PTPRT: variants seen among roughly 807,000 people sequenced by gnomAD.
PTPRT encodes protein tyrosine phosphatase receptor type T, also known as receptor-type tyrosine-protein phosphatase T.
PTPRT carries 56 observed loss-of-function variants against 176.8 expected under a neutral mutation model. The ratio of observed to expected loss-of-function variants is 0.32; its 90% CI spans 0.26 to 0.40. PTPRT has a LOEUF of 0.40. PTPRT is among the 10% of genes least tolerant of loss of function. The pLI is 1.00. For missense variants in PTPRT, 1,540 were observed against 1,908.2 expected, an observed-to-expected ratio of 0.81 and a Z score of 3.60; for synonymous variants, 783 against 739.0, an observed-to-expected ratio of 1.06 and a Z score of -0.96.
intron 6 of PTPRT, among the ~76,000 whole-genome samples, chr20:42,699,982 C>T (rs555358764): frequency 2.0e-5 from 3 of 152,246 alleles, no homozygotes; most frequent in South Asian, 4.2e-4. Flanking sequence ...TCCTACCTAC[C>T]CATCTTTCCA....
intron 2 of PTPRT, among the ~76,000 whole-genome samples, chr20:42,876,013 C>CT (rs1362923839): frequency 1.3e-5 from 2 of 152,216 alleles, no homozygotes; most frequent in African/African-American, 4.8e-5. Context: ...ACTATTACCA[C>CT]ATACAGATAC....
At chr20:42,145,544 A>AGATAGATAGATG (rs1487530031) in intron 17 of PTPRT, among the ~76,000 whole-genome samples, 277 of 151,816 alleles carry the variant, frequency 1.8e-3, no homozygotes, top group African/African-American at 6.5e-3. Flanking sequence ...ATAGATAGAT[A>AGATAGATAGATG]GATGGATGTT....
At chr20:42,185,792 C>G (rs1990754862) in intron 16 of PTPRT, among the ~76,000 whole-genome samples, 1 of 152,158 alleles carries the variant, frequency 6.6e-6, no homozygotes, top group African/African-American at 2.4e-5. Flanking sequence ...GGTATTCATT[C>G]TGTGCCACAT....
chr20:42,379,027 C>G (rs932478056), intron 9 of PTPRT, among the ~76,000 whole-genome samples: 10 of 152,214 alleles, frequency 6.6e-5, no homozygotes, highest in African/African-American at 2.4e-4. Context: ...ACCGTGCCCC[C>G]ACAGCTCCAT....
chr20:42,724,893 T>C (rs1031339491), intron 6 of PTPRT, among the ~76,000 whole-genome samples: 6 of 152,172 alleles, frequency 3.9e-5, no homozygotes, highest in African/African-American at 1.4e-4. Flanking sequence ...TGGGCCCAGA[T>C]AAATCAGTAT....
chr20:42,297,674 A>G (rs1294731678), intron 12 of PTPRT, among the ~76,000 whole-genome samples: 2 of 152,190 alleles, frequency 1.3e-5, no homozygotes, highest in East Asian at 3.9e-4. Context: ...AAATAGCCAC[A>G]TAGACTGGTG....
intron 4 of PTPRT, among the ~76,000 whole-genome samples, chr20:42,778,011 T>C (rs373225752): frequency 2.0e-5 from 3 of 152,186 alleles, no homozygotes; most frequent in Non-Finnish European, 2.9e-5. Context: ...TCCTGAGTTA[T>C]ATCCCATGGT....
chr20:43,030,506 A>C (rs1272709258), intron 1 of PTPRT, among the ~76,000 whole-genome samples: 1 of 72,702 alleles, frequency 1.4e-5, no homozygotes, highest in Admixed American at 1.8e-4. Flanking sequence ...ATTTCAGAAC[A>C]AAAAAAAAAA....
intron 9 of PTPRT, among the ~76,000 whole-genome samples, chr20:42,382,013 T>C (rs1166364890): frequency 6.6e-6 from 1 of 152,200 alleles, no homozygotes; most frequent in Non-Finnish European, 1.5e-5. Flanking sequence ...CCATAAAGAT[T>C]TCATTAGATT....
At chr20:42,980,924 G>A (rs952512614) in intron 1 of PTPRT, among the ~76,000 whole-genome samples, 1 of 152,152 alleles carries the variant, frequency 6.6e-6, no homozygotes, top group African/African-American at 2.4e-5. Flanking sequence ...AGGAGAGAGC[G>A]TCCCTATCTC....
intron 9 of PTPRT, among the ~76,000 whole-genome samples, chr20:42,437,833 A>G (rs2059275877): frequency 6.6e-6 from 1 of 152,222 alleles, no homozygotes; most frequent in Non-Finnish European, 1.5e-5. Context: ...ATAGATGAAA[A>G]TATGCAAACA....
chr20:42,879,957 G>A (rs898237887), intron 2 of PTPRT, among the ~76,000 whole-genome samples: 1 of 152,166 alleles, frequency 6.6e-6, no homozygotes, highest in African/African-American at 2.4e-5. Flanking sequence ...ACTTACTTAA[G>A]AGAGAATGCT....
At chr20:42,651,989 A>C (rs1440563064) in intron 7 of PTPRT, among the ~76,000 whole-genome samples, 2 of 152,054 alleles carry the variant, frequency 1.3e-5, no homozygotes, top group Non-Finnish European at 2.9e-5. Context: ...TGGAGGTTGC[A>C]GTGAGCCGAG....
chr20:42,866,979 C>A (rs2078757041), intron 2 of PTPRT, among the ~76,000 whole-genome samples: 2 of 152,172 alleles, frequency 1.3e-5, no homozygotes. Context: ...AACAGATGCT[C>A]CAAAATGCTA....
intron 15 of PTPRT, among the ~76,000 whole-genome samples, chr20:42,205,916 A>T (rs919015565): frequency 1.3e-5 from 2 of 152,146 alleles, no homozygotes; most frequent in Non-Finnish European, 2.9e-5. Context: ...ACTAGATCTC[A>T]GCTTAAAGTT....
intron 1 of PTPRT, among the ~76,000 whole-genome samples, chr20:43,128,142 G>C (rs2013513947): frequency 6.6e-6 from 1 of 152,204 alleles, no homozygotes; most frequent in East Asian, 1.9e-4. Flanking sequence ...GATACCCACT[G>C]TAAGAGTGGT....
At position 42,248,822 on chromosome 20, in the gene PTPRT, C is replaced by T. The variant is rs373459864; in HGVS notation, c.2177G>A (p.Gly726Asp). 1 of 1,613,400 alleles carries T rather than the reference C, an allele frequency of 6.2e-7. No homozygotes were observed. The highest frequency in any genetic ancestry group is 8.5e-7 in the Non-Finnish European group (1 of 1,179,590). Residue 726 changes from glycine to aspartate, a missense_variant and splice_region_variant, in exon 14 of 31, where the codon GGT (glycine) becomes GAT (aspartate). Gly to Asp is a moderately conservative substitution (Grantham distance 94). Coordinates refer to ENST00000373187, the MANE Select transcript of PTPRT (RefSeq NM_007050.6). Reference sequence around the variant, plus strand: ...AGTGTTAGAATTCTGGGTGGAGGCACCTAGGAAGGGAAAGGGAAGGATAGC... The same window carrying T: ...AGTGTTAGAATTCTGGGTGGAGGCATCTAGGAAGGGAAAGGGAAGGATAGC... ...KINCVRLATK[G>D]ASTQNSNTVE... is the part of the protein sequence containing the mutation.
Position 42,538,723 on chromosome 20 carries a change from T to G in PTPRT, c.1154-66161A>C, listed in dbSNP as rs1395382971. The stretch of plus-strand genomic sequence containing the variant: ...TATGCATCGTGAGTATGTTGTGCAT[T>G]AGACAAAGGCAGGGAGATCTTTCTA... On this transcript the variant is annotated intron_variant, in intron 7 of 30. Coordinates refer to ENST00000373187, the MANE Select transcript of PTPRT (RefSeq NM_007050.6). Among the ~76,000 whole-genome samples, 4 of 152,172 alleles carry G rather than the reference T, an allele frequency of 2.6e-5. No homozygotes were observed. In the East Asian group the frequency reaches 7.7e-4, roughly 29 times the overall value.
intron 2 of PTPRT, among the ~76,000 whole-genome samples, chr20:42,794,018 C>A (rs533311020): frequency 1.3e-5 from 2 of 152,172 alleles, no homozygotes; most frequent in African/African-American, 4.8e-5. Context: ...TGGCTCCTTA[C>A]AATCCACTGT....
Sources: gnomAD v4.1 joint callset for allele counts (sites outside exome capture counted in the v4.1 genomes callset) on GRCh38, gnomAD v4.1.1 for gene constraint, MANE v1.5 for transcripts, NCBI Gene and HGNC (gene_info 2026-07-23, HGNC 2026-07-21) for gene names.